FRMD4B: variants seen among roughly 807,000 people sequenced by gnomAD.
The protein encoded by FRMD4B is FERM domain-containing protein 4B.
A neutral mutation model predicts 141.5 loss-of-function variants in FRMD4B; 74 were observed. That is an observed-to-expected ratio of 0.52 (90% CI 0.43 to 0.63). FRMD4B has a LOEUF of 0.63. Ranked by LOEUF, FRMD4B falls within the 30% of genes least tolerant of loss-of-function variation. The pLI is 0.00. For synonymous variants in FRMD4B, 506 were observed against 467.9 expected (o/e 1.08, Z -1.05); for missense variants, 1,366 against 1,253.4 (o/e 1.09, Z -1.36).
At chr3:69,256,611 C>A (rs554051014) in intron 5 of FRMD4B, among the ~76,000 whole-genome samples, 3 of 152,178 alleles carry the variant, frequency 2.0e-5, no homozygotes, top group East Asian at 3.9e-4. Flanking sequence ...TGAGCCATGG[C>A]CCCTGGCCAC....
chr3:69,363,535 G>A lies in FRMD4B; in HGVS notation c.162+22293C>T, dbSNP rs1056209688. On this transcript the variant is annotated intron_variant, in intron 1 of 22. Transcript: ENST00000398540. ...CTCCCGAGTAGCTGGGACTACAGGCGCCTGCCACCACGCCTGGCTAATTTT... is the reference window on the plus strand; with the variant it reads ...CTCCCGAGTAGCTGGGACTACAGGCACCTGCCACCACGCCTGGCTAATTTT... 9.9e-5 allele frequency among the ~76,000 whole-genome samples: 15 copies of A among 151,840 alleles called. 1 individual carries two copies. The East Asian group carries it at 1.2e-3, about 12-fold the overall frequency.
intron 1 of FRMD4B, among the ~76,000 whole-genome samples, chr3:69,454,550 G>A (rs891170008): frequency 1.6e-4 from 25 of 152,186 alleles, no homozygotes; most frequent in African/African-American, 4.1e-4. Flanking sequence ...CGGCGCCACC[G>A]GCCCCGGGCA....
chr3:69,515,146 G>C (rs1478033375), intron 1 of FRMD4B, among the ~76,000 whole-genome samples: 1 of 152,186 alleles, frequency 6.6e-6, no homozygotes, highest in Non-Finnish European at 1.5e-5. Flanking sequence ...AGGAGCAAGA[G>C]AGAGTTGGGT....
At chr3:69,215,173 C>A (rs1398694056) in intron 11 of FRMD4B, among the ~76,000 whole-genome samples, 1 of 151,140 alleles carries the variant, frequency 6.6e-6, no homozygotes, top group Non-Finnish European at 1.5e-5. Flanking sequence ...AGCTACCGCA[C>A]CCAGCTAATA....
At chr3:69,503,849 A>G (rs1498849) in intron 1 of FRMD4B, among the ~76,000 whole-genome samples, 152,101 of 152,310 alleles carry the variant, frequency 1, 75,946 homozygotes, top group Middle Eastern at 1. Context: ...TTCACCCATT[A>G]CAGCCTCACT....
intron 11 of FRMD4B, among the ~76,000 whole-genome samples, chr3:69,200,166 T>G (rs1195233222): frequency 6.6e-6 from 1 of 152,064 alleles, no homozygotes; most frequent in Non-Finnish European, 1.5e-5. Flanking sequence ...CCTCATCATG[T>G]AAAGGAACAA....
chr3:69,400,658 A>G (rs1704549099), intron 2 of FRMD4B, among the ~76,000 whole-genome samples: 1 of 152,214 alleles, frequency 6.6e-6, no homozygotes, highest in African/African-American at 2.4e-5. Flanking sequence ...GGTGGTGGGC[A>G]AGGTCTCTGG....
intron 5 of FRMD4B, among the ~76,000 whole-genome samples, chr3:69,266,748 T>C (rs1303044882): frequency 6.6e-6 from 1 of 152,240 alleles, no homozygotes; most frequent in African/African-American, 2.4e-5. Flanking sequence ...ATGACCATAG[T>C]ACTAACTGAC....
At chr3:69,252,853 T>C (rs1357992318) in intron 5 of FRMD4B, among the ~76,000 whole-genome samples, 2 of 152,048 alleles carry the variant, frequency 1.3e-5, no homozygotes, top group Non-Finnish European at 2.9e-5. Context: ...ACGGGACACT[T>C]CAGTGAGTTT....
intron 1 of FRMD4B, among the ~76,000 whole-genome samples, chr3:69,526,400 C>T (rs1198385814): frequency 6.6e-6 from 1 of 152,144 alleles, no homozygotes; most frequent in Non-Finnish European, 1.5e-5. Flanking sequence ...ACTGATGTTT[C>T]CCAGGCTTCC....
chr3:69,238,884 G>A (rs1484390573), intron 7 of FRMD4B, among the ~76,000 whole-genome samples: 1 of 152,130 alleles, frequency 6.6e-6, no homozygotes, highest in African/African-American at 2.4e-5. Flanking sequence ...TGCCCAGGCT[G>A]GTGGTCGATT....
chr3:69,270,800 G>A (rs13095195), intron 5 of FRMD4B, among the ~76,000 whole-genome samples: 5,443 of 151,990 alleles, frequency 0.036, 155 homozygotes, highest in East Asian at 0.1. Context: ...TCTTGACCTC[G>A]TGATCCGCCC....
intron 1 of FRMD4B, among the ~76,000 whole-genome samples, chr3:69,343,583 T>TTTTTG (rs1205179828): frequency 1.9e-4 from 8 of 42,854 alleles, no homozygotes; most frequent in Non-Finnish European, 4.5e-4. Flanking sequence ...TTTTGTTTTT[T>TTTTTG]TTTTTTTTTT....
intron 1 of FRMD4B, among the ~76,000 whole-genome samples, chr3:69,477,990 G>A (rs1260411181): frequency 4.6e-5 from 7 of 151,764 alleles, no homozygotes; most frequent in East Asian, 1.9e-4. Context: ...GTTTATTTGC[G>A]TAGAGGTGTT....
chr3:69,213,909 C>CT, intron 11 of FRMD4B, among the ~76,000 whole-genome samples: 2 of 151,900 alleles, frequency 1.3e-5, no homozygotes, highest in South Asian at 4.2e-4. Context: ...AACTCCTGGC[C>CT]TTAAGTAGTC....
rs938640528 is a variant in FRMD4B, at chr3:69,535,773, C to T, written c.-129+6433G>A. ...TCCTAGACAGGTGTGCAGGCACCAC[C>T]TTGGACCCACTGCCCTTAGCAGGAG... On this transcript the variant is annotated intron_variant, in intron 1 of 5. Transcript: ENST00000459638. The T allele has an allele frequency of 2.5e-5, 12 of 472,872 alleles. No individual in the cohort carries two copies. The Admixed American group carries it at 2.8e-4, about 11-fold the overall frequency. 29.3% of individuals were successfully genotyped at this position (472,872 alleles called of 1,614,324 possible).
chr3:69,372,700 A>G (rs1303450449), intron 1 of FRMD4B, among the ~76,000 whole-genome samples: 1 of 152,076 alleles, frequency 6.6e-6, no homozygotes, highest in African/African-American at 2.4e-5. Flanking sequence ...CAAACAATAA[A>G]TGATGATATC....
chr3:69,220,564 A>G (rs1252044245), intron 9 of FRMD4B, among the ~76,000 whole-genome samples: 2 of 152,174 alleles, frequency 1.3e-5, no homozygotes, highest in East Asian at 1.9e-4. Flanking sequence ...TAAAAACAAG[A>G]TTAGAGGCTA....
rs114443401 is a variant in FRMD4B at position 69,344,377 on chromosome 3, G to C, written c.163-30860C>G. Among the ~76,000 whole-genome samples the C allele has an allele frequency of 8.8e-3, 1,338 of 152,320 alleles. 23 individuals are homozygous for C. Among genetic ancestry groups the C allele is most frequent in the African/African-American group, 0.029 (1,209 of 41,558 alleles). On this transcript the variant is annotated intron_variant, in intron 1 of 22. Transcript: ENST00000398540. ...GACAGAAGGAGGGAGGAAAGGAAGG[G>C]AAAGAGGGAGAGAGATGGAGGTTAA...
Sources: gnomAD v4.1 joint callset for allele counts (sites outside exome capture counted in the v4.1 genomes callset) on GRCh38, gnomAD v4.1.1 for gene constraint, MANE v1.5 for transcripts, NCBI Gene and HGNC (gene_info 2026-07-23, HGNC 2026-07-21) for gene names.